Variants in CPM observed in about 807,000 individuals in gnomAD.
CPM encodes carboxypeptidase M, also known as renal carboxypeptidase.
CPM carries 35 observed loss-of-function variants against 46.4 expected under a neutral mutation model. The observed-to-expected ratio is 0.75, with a 90% CI of 0.58 to 1.00. CPM has a LOEUF of 1.00. CPM is among the 50% of genes least tolerant of loss of function. CPM has a pLI of 0.00. For synonymous variants in CPM, 195 were observed against 195.3 expected (o/e 1.00, Z 0.01); for missense variants, 422 against 530.4 (o/e 0.80, Z 2.01).
intron 2 of CPM, among the ~76,000 whole-genome samples, chr12:68,898,033 T>C (rs1349643627): frequency 1.3e-5 from 2 of 151,458 alleles, no homozygotes; most frequent in Non-Finnish European, 2.9e-5. Flanking sequence ...TTTTTTTTTT[T>C]TGTAGAGATG....
At chr12:68,861,613 T>A (rs545869246) in intron 7 of CPM, among the ~76,000 whole-genome samples, 1 of 151,702 alleles carries the variant, frequency 6.6e-6, no homozygotes, top group South Asian at 2.1e-4. Context: ...CACTGCAACC[T>A]CTGCCTCCCG....
At chr12:68,939,193 A>G (rs1330302918) in intron 1 of CPM, among the ~76,000 whole-genome samples, 3 of 146,134 alleles carry the variant, frequency 2.1e-5, no homozygotes, top group East Asian at 2.0e-4. Context: ...GTATATATGT[A>G]TGTACATCCC....
chr12:68,888,579 C>A (rs1377664361), intron 2 of CPM, among the ~76,000 whole-genome samples: 1 of 152,230 alleles, frequency 6.6e-6, no homozygotes, highest in Admixed American at 6.5e-5. Flanking sequence ...TTACTTTTCA[C>A]AACCTGACTG....
Position 68,856,400 on chromosome 12 carries a change from T to G in CPM, c.*37A>C, listed in dbSNP as rs768684292. On this transcript the variant is annotated 3_prime_UTR_variant, in exon 9 of 9. Coordinates refer to ENST00000551568, the MANE Select transcript of CPM (RefSeq NM_198320.5). ...TAACCTGGAGTGAGCAATCCCTGAT[T>G]CCAGGTGGTGATGTGGGTTGAGTTT... 2.5e-6 allele frequency: 4 copies of G among 1,594,584 alleles called. No individual in the cohort carries two copies. Among genetic ancestry groups the G allele is most frequent in the Non-Finnish European group, 3.4e-6 (4 of 1,169,680 alleles).
intron 2 of CPM, among the ~76,000 whole-genome samples, chr12:68,928,250 G>C (rs1178853297): frequency 6.6e-6 from 1 of 152,142 alleles, no homozygotes; most frequent in Non-Finnish European, 1.5e-5. Context: ...TGACAAACCT[G>C]AGAAAAACAA....
intron 2 of CPM, among the ~76,000 whole-genome samples, chr12:68,897,446 G>C (rs1487592773): frequency 1.3e-5 from 2 of 152,104 alleles, no homozygotes; most frequent in Admixed American, 6.5e-5. Flanking sequence ...GCTGTACTAA[G>C]AGCGAGATCG....
chr12:68,926,526 CTG>C (rs890322447), intron 2 of CPM, among the ~76,000 whole-genome samples: 3 of 151,998 alleles, frequency 2.0e-5, no homozygotes, highest in Non-Finnish European at 1.5e-5. Flanking sequence ...TCATCCCCAT[CTG>C]TGTCAAGCTG....
chr12:68,903,498 T>G (rs1887202236), intron 2 of CPM, among the ~76,000 whole-genome samples: 1 of 152,172 alleles, frequency 6.6e-6, no homozygotes, highest in African/African-American at 2.4e-5. Flanking sequence ...TATAATTAAC[T>G]TGCATCTCAG....
chr12:68,856,010 G>A lies in CPM; in HGVS notation c.*427C>T, dbSNP rs903972215. 5.3e-5 allele frequency: 9 copies of A among 168,766 alleles called. No individual in the cohort carries two copies. The highest frequency in any genetic ancestry group is 3.4e-4 in the Admixed American group (6 of 17,626). The allele number at this position is 168,766 out of a possible 1,614,324, so 10.5% of individuals were successfully genotyped here. A position where few individuals can be genotyped will look rare whatever the true frequency, so the allele number is the denominator to read the frequency against. ...GCCTCCCAAAGTGCTGGGATTACAA[G>A]GTGTGAGCCACTGCTCCTGGCCTTA... On this transcript the variant is annotated 3_prime_UTR_variant, in exon 9 of 9. Coordinates refer to ENST00000551568, the MANE Select transcript of CPM (RefSeq NM_198320.5).
chr12:68,923,458 A>C (rs1405481913), intron 2 of CPM, among the ~76,000 whole-genome samples: 1 of 152,136 alleles, frequency 6.6e-6, no homozygotes, highest in Non-Finnish European at 1.5e-5. Context: ...CATGAGCTTC[A>C]AGTGGGTCCT....
chr12:68,899,720 C>A (rs2136276493), intron 2 of CPM, among the ~76,000 whole-genome samples: 1 of 152,270 alleles, frequency 6.6e-6, no homozygotes, highest in South Asian at 2.1e-4. Context: ...GATGGGTGAG[C>A]CTTGCTTGAT....
At chr12:68,876,582 C>T (rs984303549) in intron 3 of CPM, among the ~76,000 whole-genome samples, 1 of 152,210 alleles carries the variant, frequency 6.6e-6, no homozygotes, top group Admixed American at 6.5e-5. Flanking sequence ...TGGCTTCCTT[C>T]CTGTGAGAGC....
intron 1 of CPM, among the ~76,000 whole-genome samples, chr12:68,941,530 C>T (rs556974023): frequency 7.9e-5 from 12 of 152,084 alleles, no homozygotes; most frequent in Middle Eastern, 6.8e-3. Flanking sequence ...TGTACCACCA[C>T]GCATGGCTAT....
intron 2 of CPM, among the ~76,000 whole-genome samples, chr12:68,907,902 C>T (rs1261493598): frequency 1.3e-5 from 2 of 152,122 alleles, no homozygotes; most frequent in Non-Finnish European, 2.9e-5. Flanking sequence ...GATCTGGGCT[C>T]ATTGCAATCT....
At chr12:68,947,187 G>C (rs1020806671) in intron 1 of CPM, among the ~76,000 whole-genome samples, 3 of 152,188 alleles carry the variant, frequency 2.0e-5, no homozygotes, top group African/African-American at 7.2e-5. Flanking sequence ...CCAGAAGATG[G>C]ATCTGTTTAA....
chr12:68,844,657 CA>C (rs11296638), intron 5 of CPM: 15,446 of 225,820 alleles, frequency 0.068, 644 homozygotes, highest in African/African-American at 0.12. Flanking sequence ...CAGAAAAAAA[CA>C]AAAAAACTGG....
intron 2 of CPM, among the ~76,000 whole-genome samples, chr12:68,913,304 T>C (rs993061723): frequency 6.6e-5 from 10 of 152,294 alleles, no homozygotes; most frequent in Middle Eastern, 6.8e-3. Flanking sequence ...AGGAGGCTCC[T>C]GAATACAGGC....
intron 2 of CPM, among the ~76,000 whole-genome samples, chr12:68,913,022 C>T (rs1887661342): frequency 6.6e-6 from 1 of 152,160 alleles, no homozygotes; most frequent in Non-Finnish European, 1.5e-5. Flanking sequence ...GGGGCTGAGG[C>T]TGCTATGGGC....
chr12:68,861,841 TC>T (rs1421481846), intron 7 of CPM, among the ~76,000 whole-genome samples: 4 of 149,204 alleles, frequency 2.7e-5, no homozygotes, highest in African/African-American at 1.0e-4. Flanking sequence ...ATTACACCAT[TC>T]TTTAACATTG....
Sources: gnomAD v4.1 joint callset for allele counts (sites outside exome capture counted in the v4.1 genomes callset) on GRCh38, gnomAD v4.1.1 for gene constraint, MANE v1.5 for transcripts, NCBI Gene and HGNC (gene_info 2026-07-23, HGNC 2026-07-21) for gene names.